The following WDR77 variants were observed in gnomAD, a reference collection of about 807,000 sequenced individuals.
The protein encoded by WDR77 is methylosome protein WDR77.
WDR77 carries 31 observed loss-of-function variants against 44.0 expected under a neutral mutation model. The observed-to-expected ratio is 0.70, with a 90% CI of 0.53 to 0.95. The LOEUF (loss-of-function observed/expected upper bound fraction) is 0.95. Ranked by LOEUF, WDR77 falls within the 40% of genes least tolerant of loss-of-function variation. The pLI is 0.00. For missense variants in WDR77, 390 were observed against 423.9 expected, an observed-to-expected ratio of 0.92 and a Z score of 0.70; for synonymous variants, 186 against 165.7, an observed-to-expected ratio of 1.12 and a Z score of -0.94.
intron 4 of WDR77, among the ~76,000 whole-genome samples, chr1:111,444,690 G>A (rs905652017): frequency 2.6e-5 from 4 of 152,204 alleles, no homozygotes; most frequent in Non-Finnish European, 5.9e-5. Flanking sequence ...AGGGACAAAA[G>A]GGGCTTTTCC....
In WDR77 at chr1:111,441,492, T is replaced by C. The variant is rs1052171287; in HGVS notation, c.870-103A>G. ...TCTGGGGCACATTTTTTGGGTGTGT[T>C]ACACACATTTCACCAACTGTATGGC... On this transcript the variant is annotated intron_variant, in intron 9 of 9. Transcript: ENST00000235090. 5 of 1,377,514 alleles carry C rather than the reference T, an allele frequency of 3.6e-6. No individual in the cohort carries two copies. In the African/African-American group the frequency reaches 7.4e-5, roughly 20 times the overall value. The allele number at this position is 1,377,514 out of a possible 1,614,324, so 85.3% of individuals were successfully genotyped here.
At chr1:111,447,678 G>T in intron 2 of WDR77, 102 bp from the exon 3 acceptor site, 1 of 1,398,672 alleles carries the variant, frequency 7.1e-7, no homozygotes, top group Non-Finnish European at 1.0e-6. Flanking sequence ...AACAAAGTAA[G>T]TTAGTTATTC....
chr1:111,449,132 G>A lies in WDR77; in HGVS notation c.38C>T (p.Ala13Val), dbSNP rs765480397. The A allele has an allele frequency of 3.8e-6, 6 of 1,598,930 alleles. No individual in the cohort carries two copies. The highest frequency in any genetic ancestry group is 2.7e-5 in the African/African-American group (2 of 74,696). ...KETPPPLVPP[A>V]AREWNLPPNA... ...TGGGGGAAGATTCCACTCCCGGGCC[G>A]CCGGGGGCACTAGGGGGGGTGGGGT... The change falls in exon 1 of 10, where the codon GCG (alanine) becomes GTG (valine). Residue 13 changes from alanine to valine, a missense_variant. Ala to Val is a moderately conservative substitution (Grantham distance 64). Transcript: ENST00000235090.
At position 111,449,084 on chromosome 1, in the gene WDR77, C is replaced by G; in HGVS notation, c.86G>C (p.Arg29Pro). Reference sequence around the variant, plus strand: ...CCGGTACCGCGCAGCCTCCAACTGCCGTTCCATGCAGGCGGGCGCATTTGG... The same window carrying G: ...CCGGTACCGCGCAGCCTCCAACTGCGGTTCCATGCAGGCGGGCGCATTTGG... ...LPPNAPACME[R>P]QLEAARYRSD... Residue 29 changes from arginine to proline, a missense_variant, in exon 1 of 10, where the codon CGG becomes CCG. Coordinates refer to ENST00000235090, the MANE Select transcript of WDR77 (RefSeq NM_024102.4). 1.2e-6 allele frequency: 2 copies of G among 1,603,692 alleles called. No individual in the cohort carries two copies. The highest frequency in any genetic ancestry group is 1.7e-4 in the Middle Eastern group (1 of 6,058).
rs534955929 is a variant in WDR77 at position 111,442,171 on chromosome 1, C to T, written c.801-78G>A. On this transcript the variant is annotated intron_variant, in intron 8 of 9. Coordinates refer to ENST00000235090, the MANE Select transcript of WDR77 (RefSeq NM_024102.4). Reference sequence around the variant, plus strand: ...AACCTTAACTGGGCCGGCCCTGCCGCCACTGTAAAGTGACCCAGGAGAGGC... The same window carrying T: ...AACCTTAACTGGGCCGGCCCTGCCGTCACTGTAAAGTGACCCAGGAGAGGC... The T allele has an allele frequency of 1.3e-5, 18 of 1,435,694 alleles. No homozygotes were observed. In the African/African-American group the frequency reaches 2.1e-4, roughly 17 times the overall value. 88.9% of individuals were successfully genotyped at this position (1,435,694 alleles called of 1,614,324 possible).
chr1:111,446,317 A>G (rs1029865258), intron 4 of WDR77, among the ~76,000 whole-genome samples: 1 of 152,222 alleles, frequency 6.6e-6, no homozygotes, highest in African/African-American at 2.4e-5. Context: ...CCCAAGATAA[A>G]GTTAACTACT....
chr1:111,441,350 C>A lies in WDR77; in HGVS notation c.909G>T (p.Ala303=), dbSNP rs771792166. The change falls in exon 10 of 10, where the codon GCG becomes GCT. Residue 303 remains alanine (A), a synonymous_variant. Transcript: ENST00000235090. ...SQAHRDFVRD[A]TWSPLNHSLL... ...GGGAGTGATTGAGCGGGGACCAAGT[C>A]GCATCTCTCACAAAGTCTCTGTGGG... is the stretch of plus-strand genomic sequence containing the variant. 4.5e-6 allele frequency: 7 copies of A among 1,561,556 alleles called. No homozygotes were observed. The Middle Eastern group carries it at 5.1e-4, about 114-fold the overall frequency.
In WDR77 at chr1:111,441,022, C is replaced by T; in HGVS notation, c.*208G>A. On this transcript the variant is annotated 3_prime_UTR_variant, in exon 10 of 10. Transcript: ENST00000235090. ...CTACACACACACTCACACGCACATA[C>T]ATGTCCATTTTTAAGAAAGCTTTTC... 2.4e-6 allele frequency: 1 copy of T among 410,884 alleles called. No individual in the cohort carries two copies. 25.5% of individuals were successfully genotyped at this position (410,884 alleles called of 1,614,324 possible).
At chr1:111,442,811 T>C in intron 7 of WDR77, 50 bp from the exon 8 acceptor site, 1 of 1,324,514 alleles carries the variant, frequency 7.5e-7, no homozygotes, top group Non-Finnish European at 1.0e-6. Context: ...TGGACTTTTG[T>C]GCCAAAGACT....
intron 5 of WDR77, 59 bp downstream of exon 5, chr1:111,443,995 A>G: frequency 6.2e-7 from 1 of 1,607,498 alleles, no homozygotes; most frequent in Admixed American, 1.7e-5. Flanking sequence ...TCTCCCCACT[A>G]GAGACTTTGG....
chr1:111,447,299 G>A, intron 3 of WDR77, 136 bp downstream of exon 3: 1 of 1,488,034 alleles, frequency 6.7e-7, no homozygotes, highest in Non-Finnish European at 9.2e-7. Context: ...AAATCCCTAA[G>A]GAAACCTTAT....
At chr1:111,442,834 C>T in intron 7 of WDR77, 73 bp from the exon 8 acceptor site, 1 of 1,091,522 alleles carries the variant, frequency 9.2e-7, no homozygotes, top group South Asian at 2.4e-5. Flanking sequence ...AATCCTAGTT[C>T]CTCGAGCTTG....
At chr1:111,448,155 C>A (rs1302754041) in intron 2 of WDR77, among the ~76,000 whole-genome samples, 5 of 150,706 alleles carry the variant, frequency 3.3e-5, no homozygotes, top group Non-Finnish European at 7.4e-5. Context: ...AACTTCCATG[C>A]AATGCCGGCC....
At chr1:111,447,754 C>A (rs567957308) in intron 2 of WDR77, among the ~76,000 whole-genome samples, 178 bp from the exon 3 acceptor site, 32 of 152,332 alleles carry the variant, frequency 2.1e-4, no homozygotes, top group African/African-American at 7.7e-4. Context: ...CTTTATTCTG[C>A]GTTACTGTTT....
Position 111,443,914 on chromosome 1 carries a change from C to T in WDR77, c.572G>A (p.Arg191Lys). Reference protein sequence around the residue: ...SVFLSCSEDNRILLWDTRCPK... With the variant: ...SVFLSCSEDNKILLWDTRCPK... Reference sequence around the variant, plus strand: ...ACAGCGGGTATCCCAGAGTAAAATTCTATTGTCCTAGAGGAAGGTGGAACA... The same window carrying T: ...ACAGCGGGTATCCCAGAGTAAAATTTTATTGTCCTAGAGGAAGGTGGAACA... The change falls in exon 6 of 10, where the codon AGA (arginine) becomes AAA (lysine). Residue 191 changes from arginine (R) to lysine (K), a missense_variant. Physicochemically the swap from Arg to Lys is conservative, Grantham distance 26. Transcript: ENST00000235090. The T allele has an allele frequency of 6.2e-7, 1 of 1,614,168 alleles. No individual in the cohort carries two copies. The highest frequency in any genetic ancestry group is 1.3e-5 in the African/African-American group (1 of 75,038).
chr1:111,441,689 G>T (rs960886522), intron 9 of WDR77: 2 of 899,494 alleles, frequency 2.2e-6, no homozygotes, highest in African/African-American at 3.4e-5. Context: ...TCTTCCAGGT[G>T]CTGCCTTTTA....
rs1396264078 is a variant in WDR77 at position 111,449,091 on chromosome 1, T to C, written c.79A>G (p.Met27Val). The C allele has an allele frequency of 1.9e-6, 3 of 1,599,878 alleles. No homozygotes were observed. The highest frequency in any genetic ancestry group is 2.3e-5 in the East Asian group (1 of 44,432). Residue 27 changes from methionine (M) to valine (V), a missense_variant, in exon 1 of 10, where the codon ATG (methionine) becomes GTG (valine). Coordinates refer to ENST00000235090, the MANE Select transcript of WDR77 (RefSeq NM_024102.4). Reference sequence around the variant, plus strand: ...CGCGCAGCCTCCAACTGCCGTTCCATGCAGGCGGGCGCATTTGGGGGAAGA... The same window carrying C: ...CGCGCAGCCTCCAACTGCCGTTCCACGCAGGCGGGCGCATTTGGGGGAAGA... ...WNLPPNAPAC[M>V]ERQLEAARYR...
intron 4 of WDR77, 80 bp from the exon 5 acceptor site, chr1:111,444,204 G>A: frequency 1.4e-6 from 2 of 1,409,368 alleles, no homozygotes; most frequent in Non-Finnish European, 2.0e-6. Flanking sequence ...AATAATCAAG[G>A]GGCAGGAGGG....
At position 111,443,307 on chromosome 1, in the gene WDR77, T is replaced by C; in HGVS notation, c.691+16A>G. The C allele has an allele frequency of 1.9e-6, 3 of 1,551,074 alleles. No individual in the cohort carries two copies. The highest frequency in any genetic ancestry group is 1.7e-4 in the Middle Eastern group (1 of 5,982). ...CCTTTCCCAGAGTCAATATGAAGTC[T>C]GACACGCTGCCTTACCAAAGACAAA... On this transcript the variant is annotated intron_variant, in intron 7 of 9. Coordinates refer to ENST00000235090, the MANE Select transcript of WDR77 (RefSeq NM_024102.4).
Sources: gnomAD v4.1 joint callset for allele counts (sites outside exome capture counted in the v4.1 genomes callset) on GRCh38, gnomAD v4.1.1 for gene constraint, MANE v1.5 for transcripts, NCBI Gene and HGNC (gene_info 2026-07-23, HGNC 2026-07-21) for gene names.